Variants in CXCR2 observed in about 807,000 individuals in gnomAD.
CXCR2 encodes C-X-C chemokine receptor type 2.
Under a neutral mutation model 3.7 loss-of-function variants are expected in CXCR2, and 2 were observed. The ratio of observed to expected loss-of-function variants is 0.55; its 90% CI spans 0.22 to 1.72. CXCR2 has a LOEUF of 1.72. CXCR2 is among the 40% of genes most tolerant of loss of function. The pLI, the probability that CXCR2 is intolerant of heterozygous loss-of-function variation, is 0.19. For synonymous variants in CXCR2, 203 were observed against 193.3 expected, an observed-to-expected ratio of 1.05 and a Z score of -0.41; for missense variants, 351 against 450.1, an observed-to-expected ratio of 0.78 and a Z score of 1.99.
intron 2 of CXCR2, among the ~76,000 whole-genome samples, chr2:218,131,362 G>C (rs1189234710): frequency 6.6e-6 from 1 of 152,180 alleles, no homozygotes; most frequent in African/African-American, 2.4e-5. Flanking sequence ...GGTCCAGCAA[G>C]CTGTATTCCC....
Position 218,136,035 on chromosome 2 carries a change from T to C in CXCR2, c.*151T>C, listed in dbSNP as rs199662489. On this transcript the variant is annotated 3_prime_UTR_variant, in exon 3 of 3. Transcript: ENST00000318507. Reference sequence around the variant, plus strand: ...GTAGAGGAGGCCACGTTCTTACTAGTTTCCCTTGCATGGTTTAGAAAGCTT... The same window carrying C: ...GTAGAGGAGGCCACGTTCTTACTAGCTTCCCTTGCATGGTTTAGAAAGCTT... The C allele has an allele frequency of 1.9e-6, 2 of 1,040,304 alleles. No homozygotes were observed. The highest frequency in any genetic ancestry group is 2.8e-6 in the Non-Finnish European group (2 of 708,504). 64.4% of individuals were successfully genotyped at this position (1,040,304 alleles called of 1,614,324 possible). A position where few individuals can be genotyped will look rare whatever the true frequency, so the allele number is the denominator to read the frequency against.
intron 2 of CXCR2, among the ~76,000 whole-genome samples, chr2:218,131,714 C>A (rs1690652154): frequency 6.6e-6 from 1 of 151,514 alleles, no homozygotes; most frequent in South Asian, 2.1e-4. Context: ...CATGATCCGC[C>A]CATCTCGGCC....
rs867311007 is a variant in CXCR2 at position 218,134,953 on chromosome 2, TG to T, written c.154del (p.Val52SerfsTer10). ...TCCCTGGAAATCAACAAGTATTTTG[TG>T]GTCATTATCTATGCCCTGGTATTCC... ...PESLEINKYF[V>X]VIIYALVFLL... On this transcript the variant is annotated frameshift_variant, in exon 3 of 3. Coordinates refer to ENST00000318507, the MANE Select transcript of CXCR2 (RefSeq NM_001557.4). LOFTEE classifies it low-confidence loss of function (END_TRUNC). 9 of 1,614,110 alleles carry T rather than the reference TG, an allele frequency of 5.6e-6. No homozygotes were observed. Among genetic ancestry groups the T allele is most frequent in the Non-Finnish European group, 7.6e-6 (9 of 1,180,052 alleles).
rs1312565317 is a variant in CXCR2, at chr2:218,136,208, G to T, written c.*324G>T. On this transcript the variant is annotated 3_prime_UTR_variant, in exon 3 of 3. Coordinates refer to ENST00000318507, the MANE Select transcript of CXCR2 (RefSeq NM_001557.4). ...CTCTGCATACTCATTAGGATGGCTAGTATCAAAAGAAAGAAAATCAGGCTG... is the reference window on the plus strand; with the variant it reads ...CTCTGCATACTCATTAGGATGGCTATTATCAAAAGAAAGAAAATCAGGCTG... 4.2e-6 allele frequency: 1 copy of T among 237,618 alleles called. No individual in the cohort carries two copies. The allele number at this position is 237,618 out of a possible 1,614,324, so 14.7% of individuals were successfully genotyped here.
intron 1 of CXCR2, among the ~76,000 whole-genome samples, chr2:218,126,968 G>C (rs975063737): frequency 2.0e-5 from 3 of 150,048 alleles, no homozygotes; most frequent in Non-Finnish European, 4.5e-5. Context: ...GGGCCACCTT[G>C]CCTGGCCTTT....
Position 218,134,907 on chromosome 2 carries a change from G to A in CXCR2, c.106G>A (p.Ala36Thr), listed in dbSNP as rs1217526876. The A allele has an allele frequency of 4.3e-6, 7 of 1,613,966 alleles. No individual in the cohort carries two copies. Among genetic ancestry groups the A allele is most frequent in the African/African-American group, 1.3e-5 (1 of 74,870 alleles). The change falls in exon 3 of 3, where the codon GCC becomes ACC. Residue 36 changes from alanine to threonine, a missense_variant. Ala to Thr is a moderately conservative substitution (Grantham distance 58). Coordinates refer to ENST00000318507, the MANE Select transcript of CXCR2 (RefSeq NM_001557.4). ...TACCCTGCCCCCTTTTCTACTAGAT[G>A]CCGCCCCATGTGAACCAGAATCCCT... ...SSTLPPFLLD[A>T]APCEPESLEI...
In CXCR2 at chr2:218,136,078, C is replaced by T. The variant is rs200661535; in HGVS notation, c.*194C>T. On this transcript the variant is annotated 3_prime_UTR_variant, in exon 3 of 3. Coordinates refer to ENST00000318507, the MANE Select transcript of CXCR2 (RefSeq NM_001557.4). ...GAAAGCTTGCCCTGGTGCCTCACCC[C>T]TTGCCATAATTACTATGTCATTTGC... is the stretch of plus-strand genomic sequence containing the variant. 131 of 673,758 alleles carry T rather than the reference C, an allele frequency of 1.9e-4. No individual in the cohort carries two copies. The African/African-American group carries it at 2.1e-3, about 11-fold the overall frequency. The allele number at this position is 673,758 out of a possible 1,614,324, so 41.7% of individuals were successfully genotyped here.
Position 218,131,470 on chromosome 2 carries a change from C to CTT in CXCR2, c.-26+2122_-26+2123dup, listed in dbSNP as rs34409642. 7.5e-3 allele frequency among the ~76,000 whole-genome samples: 1,012 copies of CTT among 134,102 alleles called. 28 individuals are homozygous for CTT. The highest frequency in any genetic ancestry group is 0.022 in the African/African-American group (779 of 35,214). The allele number at this position is 134,102 out of a possible 152,430, so 88.0% of individuals were successfully genotyped here. The stretch of plus-strand genomic sequence containing the variant: ...AGACATACATAAAGTACAATGTTAA[C>CTT]TTTTTTTTTTTTTTTTTTGAGACGG... On this transcript the variant is annotated intron_variant, in intron 2 of 2. Coordinates refer to ENST00000318507, the MANE Select transcript of CXCR2 (RefSeq NM_001557.4).
intron 2 of CXCR2, among the ~76,000 whole-genome samples, chr2:218,131,493 C>T (rs1273530945): frequency 1.1e-4 from 14 of 129,766 alleles, no homozygotes; most frequent in Non-Finnish European, 1.6e-4. Flanking sequence ...TTTTTTGAGA[C>T]GGAGTCTCCT....
chr2:218,135,682 G>C lies in CXCR2; in HGVS notation c.881G>C (p.Arg294Pro). ...ETCERRNHIDRALDATEILGI... is the reference protein window; with the variant it reads ...ETCERRNHIDPALDATEILGI... ...TGTGAGCGCCGCAATCACATCGACCGGGCTCTGGATGCCACCGAGATTCTG... is the reference window on the plus strand; with the variant it reads ...TGTGAGCGCCGCAATCACATCGACCCGGCTCTGGATGCCACCGAGATTCTG... The change falls in exon 3 of 3, where the codon CGG becomes CCG. Residue 294 changes from arginine (R) to proline (P), a missense_variant. By Grantham distance (103) the Arg-to-Pro change is moderately radical. Transcript: ENST00000318507. The surrounding 1 kb of genome is among the most constrained non-coding windows in gnomAD (Gnocchi z 4.0). 6.2e-7 allele frequency: 1 copy of C among 1,612,386 alleles called. No individual in the cohort carries two copies. Among genetic ancestry groups the C allele is most frequent in the Non-Finnish European group, 8.5e-7 (1 of 1,179,478 alleles).
intron 2 of CXCR2, among the ~76,000 whole-genome samples, chr2:218,130,490 A>C (rs1330000550): frequency 1.3e-5 from 2 of 152,134 alleles, no homozygotes; most frequent in Non-Finnish European, 2.9e-5. Context: ...CACTTTTTTT[A>C]AGAGGAAGGG....
chr2:218,130,761 G>A (rs1362822331), intron 2 of CXCR2: 1 of 152,256 alleles, frequency 6.6e-6, no homozygotes, highest in Non-Finnish European at 1.5e-5. Flanking sequence ...TAACTGCCAA[G>A]TCATCCTCTG....
chr2:218,133,872 G>T (rs17844762), intron 2 of CXCR2, among the ~76,000 whole-genome samples: 1 of 152,188 alleles, frequency 6.6e-6, no homozygotes, highest in Non-Finnish European at 1.5e-5. Context: ...TGCTTATCCC[G>T]CATGGTGGCA....
At position 218,135,972 on chromosome 2, in the gene CXCR2, T is replaced by C; in HGVS notation, c.*88T>C. ...CCTCATGTCCACTGGTTCTTCTTGG[T>C]CTCAGTGTCAATGCAGCCCCCATTG... On this transcript the variant is annotated 3_prime_UTR_variant, in exon 3 of 3. Transcript: ENST00000318507. This position sits in a 1 kb window ranked among gnomAD's most constrained non-coding sequence, Gnocchi z 4.0. 2.0e-6 allele frequency: 3 copies of C among 1,491,868 alleles called. No individual in the cohort carries two copies. Among genetic ancestry groups the C allele is most frequent in the Non-Finnish European group, 2.7e-6 (3 of 1,110,828 alleles). The allele number at this position is 1,491,868 out of a possible 1,614,324, so 92.4% of individuals were successfully genotyped here.
intron 2 of CXCR2, among the ~76,000 whole-genome samples, chr2:218,133,564 G>T (rs1690703464): frequency 6.6e-6 from 1 of 152,132 alleles, no homozygotes; most frequent in Non-Finnish European, 1.5e-5. Flanking sequence ...CTCCCAAAGT[G>T]CTGGGATTAC....
At chr2:218,126,423 T>A (rs1017617771) in intron 1 of CXCR2, 70 bp downstream of exon 1, 1 of 152,290 alleles carries the variant, frequency 6.6e-6, no homozygotes, top group African/African-American at 2.4e-5. Context: ...AACTTCAGCC[T>A]CCTCTGAGGC....
In CXCR2 at chr2:218,135,317, G is replaced by A. The variant is rs747309502; in HGVS notation, c.516G>A (p.Leu172=). The stretch of plus-strand genomic sequence containing the variant: ...TCATATGTCTCAGCATCTGGGGTCT[G>A]TCCTTGCTCCTGGCCCTGCCTGTCT... ...VKFICLSIWG[L]SLLLALPVLL... The change falls in exon 3 of 3, where the codon CTG becomes CTA. Residue 172 remains leucine, a synonymous_variant. Transcript: ENST00000318507. This position sits in a 1 kb window ranked among gnomAD's most constrained non-coding sequence, Gnocchi z 4.0. 8 of 1,614,212 alleles carry A rather than the reference G, an allele frequency of 5.0e-6. No homozygotes were observed. The highest frequency in any genetic ancestry group is 6.8e-6 in the Non-Finnish European group (8 of 1,180,030).
intron 2 of CXCR2, among the ~76,000 whole-genome samples, chr2:218,132,152 CATTT>C (rs1036173700): frequency 4.6e-5 from 7 of 152,040 alleles, no homozygotes; most frequent in Admixed American, 6.6e-5. Context: ...AAAAGTCACC[CATTT>C]AAAGTTTTTA....
rs1690501734 is a variant in CXCR2 at position 218,126,117 on chromosome 2, C to T, written c.-314C>T. On this transcript the variant is annotated 5_prime_UTR_variant, in exon 1 of 3. Transcript: ENST00000318507. The stretch of plus-strand genomic sequence containing the variant: ...GACAGGAAGATGTGAAAATCCCCAG[C>T]ACTCATCCCAGAATCACTAAGTGGC... 1 of 152,348 alleles carries T rather than the reference C, an allele frequency of 6.6e-6. No individual in the cohort carries two copies. The highest frequency in any genetic ancestry group is 2.1e-4 in the South Asian group (1 of 4,822). 9.4% of individuals were successfully genotyped at this position (152,348 alleles called of 1,614,324 possible).
Sources: allele counts gnomAD v4.1 joint callset (sites outside exome capture counted in the v4.1 genomes callset), GRCh38; gene constraint gnomAD v4.1.1; non-coding constraint Gnocchi (gnomAD v3.1); transcripts MANE v1.5; gene names NCBI Gene and HGNC (gene_info 2026-07-23, HGNC 2026-07-21).